The following TNKS variants were observed in gnomAD, a reference collection of about 807,000 sequenced individuals.
TNKS encodes the protein poly [ADP-ribose] polymerase tankyrase-1.
TNKS carries 72 observed loss-of-function variants against 135.8 expected under a neutral mutation model. The observed-to-expected ratio is 0.53, with a 90% CI of 0.44 to 0.64. The LOEUF is 0.64. Ranked by LOEUF, TNKS falls within the 30% of genes least tolerant of loss-of-function variation. The pLI is 0.00. For synonymous variants in TNKS, 849 were observed against 649.3 expected (o/e 1.31, Z -4.68); for missense variants, 1,769 against 1,674.0 (o/e 1.06, Z -0.99).
At position 9,706,866 on chromosome 8, in the gene TNKS, C is replaced by G; in HGVS notation, c.1325C>G (p.Ala442Gly). 6.2e-7 allele frequency: 1 copy of G among 1,614,008 alleles called. No homozygotes were observed. Among genetic ancestry groups the G allele is most frequent in the South Asian group, 1.1e-5 (1 of 91,064 alleles). Reference sequence around the variant, plus strand: ...TGGCAGTTTACTCCACTGCACGAGGCTGCTTCCAAGAACCGTGTAGAAGTC... The same window carrying G: ...TGGCAGTTTACTCCACTGCACGAGGGTGCTTCCAAGAACCGTGTAGAAGTC... ...DLWQFTPLHE[A>G]ASKNRVEVCS... The change falls in exon 8 of 27, where the codon GCT becomes GGT. Residue 442 changes from alanine (A) to glycine (G), a missense_variant. This residue lies in a region of TNKS where 523 missense variants were observed against 541.0 expected (regional missense o/e 0.97). Transcript: ENST00000310430.
chr8:9,598,704 TATG>T (rs1478354331), intron 2 of TNKS, among the ~76,000 whole-genome samples: 17 of 122,954 alleles, frequency 1.4e-4, no homozygotes, highest in Non-Finnish European at 2.1e-4. Context: ...TTGTCTAAAA[TATG>T]TGTGTGTGTG....
At chr8:9,751,073 C>T (rs1806502415) in intron 18 of TNKS, among the ~76,000 whole-genome samples, 1 of 150,274 alleles carries the variant, frequency 6.7e-6, no homozygotes, top group Admixed American at 6.7e-5. Context: ...GGGTAGGGGG[C>T]AGAAATTCAA....
chr8:9,764,682 A>ATGTT (rs762641566), intron 22 of TNKS, 34 bp from the exon 23 acceptor site: 6 of 1,518,278 alleles, frequency 4.0e-6, no homozygotes, highest in Non-Finnish European at 5.4e-6. Context: ...ACACACTGGG[A>ATGTT]TGTTTTTATA....
intron 5 of TNKS, among the ~76,000 whole-genome samples, chr8:9,697,320 A>C (rs1325377200): frequency 6.6e-6 from 1 of 152,214 alleles, no homozygotes; most frequent in South Asian, 2.1e-4. Flanking sequence ...TTAAGAATTT[A>C]ATTATAAAAC....
At chr8:9,740,687 T>C (rs2037262967) in intron 17 of TNKS, among the ~76,000 whole-genome samples, 1 of 152,196 alleles carries the variant, frequency 6.6e-6, no homozygotes, top group Non-Finnish European at 1.5e-5. Context: ...TAGTCTTTTA[T>C]TAAAATTCGT....
At chr8:9,685,687 G>C (rs537758813) in intron 5 of TNKS, among the ~76,000 whole-genome samples, 5 of 152,086 alleles carry the variant, frequency 3.3e-5, no homozygotes, top group African/African-American at 1.2e-4. Flanking sequence ...TCTTCACCCA[G>C]TGTCACATTT....
At chr8:9,696,544 A>G (rs1346639663) in intron 5 of TNKS, among the ~76,000 whole-genome samples, 1 of 152,130 alleles carries the variant, frequency 6.6e-6, no homozygotes, top group Non-Finnish European at 1.5e-5. Flanking sequence ...TCTAAGTATA[A>G]AAAACCGTAA....
At chr8:9,588,116 T>C (rs1798456543) in intron 2 of TNKS, among the ~76,000 whole-genome samples, 2 of 152,196 alleles carry the variant, frequency 1.3e-5, no homozygotes, top group South Asian at 2.1e-4. Context: ...TTGGGGTAAA[T>C]TATCTTACTA....
chr8:9,573,831 C>G (rs980715065), intron 1 of TNKS, among the ~76,000 whole-genome samples: 2 of 152,160 alleles, frequency 1.3e-5, no homozygotes, highest in African/African-American at 2.4e-5. Context: ...TAGATAAAAA[C>G]ATCAGTTTAA....
intron 5 of TNKS, among the ~76,000 whole-genome samples, chr8:9,687,854 A>G (rs930254427): frequency 5.3e-5 from 8 of 152,242 alleles, no homozygotes; most frequent in African/African-American, 1.9e-4. Flanking sequence ...AATTACAAAT[A>G]TGATACTTCA....
chr8:9,616,588 G>A (rs1799653840), intron 3 of TNKS, among the ~76,000 whole-genome samples: 1 of 152,134 alleles, frequency 6.6e-6, no homozygotes, highest in Admixed American at 6.5e-5. Flanking sequence ...TGAAAATTTA[G>A]CAAAAATACT....
chr8:9,734,063 A>T (rs987005784), intron 15 of TNKS, among the ~76,000 whole-genome samples: 4 of 152,188 alleles, frequency 2.6e-5, no homozygotes, highest in Non-Finnish European at 5.9e-5. Flanking sequence ...CGGAAAAAAA[A>T]TTGAAGTGTT....
intron 2 of TNKS, among the ~76,000 whole-genome samples, chr8:9,597,552 G>A (rs1057327230): frequency 6.6e-6 from 1 of 152,184 alleles, no homozygotes; most frequent in African/African-American, 2.4e-5. Context: ...TTAACCTAGT[G>A]AGTGGAGATA....
intron 2 of TNKS, among the ~76,000 whole-genome samples, chr8:9,598,705 A>AGGTGTGTGTG (rs1798885974): frequency 9.2e-6 from 1 of 108,172 alleles, no homozygotes; most frequent in African/African-American, 3.4e-5. Context: ...TGTCTAAAAT[A>AGGTGTGTGTG]TGTGTGTGTG....
intron 11 of TNKS, among the ~76,000 whole-genome samples, chr8:9,714,574 G>C (rs1804509657): frequency 6.6e-6 from 1 of 152,086 alleles, no homozygotes; most frequent in Admixed American, 6.6e-5. Context: ...AATCAAGACT[G>C]TAGTAGATAC....
At chr8:9,757,483 C>G (rs10096462) in intron 20 of TNKS, among the ~76,000 whole-genome samples, 4 of 151,818 alleles carry the variant, frequency 2.6e-5, no homozygotes, top group Admixed American at 6.6e-5. Context: ...TGTCTTAAGC[C>G]CACTTCCCTC....
intron 2 of TNKS, among the ~76,000 whole-genome samples, chr8:9,583,631 G>A (rs1046682875): frequency 5.3e-5 from 8 of 151,892 alleles, no homozygotes; most frequent in Admixed American, 2.0e-4. Context: ...TGGGACTGCA[G>A]GCGCATGCCA....
chr8:9,667,952 A>C (rs961112693), intron 3 of TNKS, among the ~76,000 whole-genome samples: 7 of 151,788 alleles, frequency 4.6e-5, no homozygotes, highest in African/African-American at 1.7e-4. Context: ...CAAGCACAAT[A>C]CAGCACTGAT....
At chr8:9,762,830 G>T (rs962504203) in intron 21 of TNKS, among the ~76,000 whole-genome samples, 2 of 151,598 alleles carry the variant, frequency 1.3e-5, no homozygotes, top group Admixed American at 6.6e-5. Flanking sequence ...GTGTGAACCC[G>T]GGAGGCGGAG....
Sources: allele counts gnomAD v4.1 joint callset (sites outside exome capture counted in the v4.1 genomes callset), GRCh38; gene constraint gnomAD v4.1.1; regional missense constraint gnomAD v4.1.1; transcripts MANE v1.5; gene names NCBI Gene and HGNC (gene_info 2026-07-23, HGNC 2026-07-21).